Variants in C13orf46 observed in about 807,000 individuals in gnomAD.
C13orf46 encodes uncharacterized protein C13orf46.
chr13:113,965,860 ATGATGG>A (rs1359818064), intron 5 of C13orf46, among the ~76,000 whole-genome samples: 24 of 148,032 alleles, frequency 1.6e-4, no homozygotes, highest in Non-Finnish European at 2.7e-4. Flanking sequence ...GATGGTGGTG[ATGATGG>A]TGATGGTGAT....
the C13orf46 span, among the ~76,000 whole-genome samples, chr13:113,948,009 A>T: frequency 6.6e-6 from 1 of 152,366 alleles, no homozygotes; most frequent in East Asian, 1.9e-4. Flanking sequence ...CATCGGGGCC[A>T]TGGAGCGGGG....
At chr13:113,944,293 C>T in the C13orf46 span, among the ~76,000 whole-genome samples, 4 of 152,152 alleles carry the variant, frequency 2.6e-5, no homozygotes, top group Admixed American at 6.5e-5. Context: ...TGCCGGGACC[C>T]CCTCCAGTGG....
At chr13:113,953,328 G>A (rs1156993764), downstream of C13orf46, among the ~76,000 whole-genome samples, 1 of 152,202 alleles carries the variant, frequency 6.6e-6, no homozygotes, top group Non-Finnish European at 1.5e-5. Flanking sequence ...GCCCTGGAGT[G>A]CCCAGAATCA....
At chr13:113,957,206 TCTGC>T (rs2052543621) in intron 6 of C13orf46, among the ~76,000 whole-genome samples, 2 of 142,222 alleles carry the variant, frequency 1.4e-5, no homozygotes, top group Admixed American at 1.4e-4. Context: ...TCCCCTGCAC[TCTGC>T]CTGCACCCCC....
intron 6 of C13orf46, among the ~76,000 whole-genome samples, chr13:113,957,743 G>C (rs1477349786): frequency 8.5e-6 from 1 of 118,088 alleles, no homozygotes; most frequent in African/African-American, 3.4e-5. Context: ...CACTCTGCCT[G>C]TACCCCCTTT....
At chr13:113,936,663 A>G in the C13orf46 span, among the ~76,000 whole-genome samples, 1 of 152,078 alleles carries the variant, frequency 6.6e-6, no homozygotes, top group African/African-American at 2.4e-5. Flanking sequence ...AGGGTCTCTC[A>G]AGGCTAGTTT....
At chr13:113,950,009 T>C (rs910347091), downstream of C13orf46, among the ~76,000 whole-genome samples, 12 of 150,378 alleles carry the variant, frequency 8.0e-5, no homozygotes, top group Middle Eastern at 3.6e-3. Flanking sequence ...CCTCGCCCCC[T>C]GCCTCGGGCA....
chr13:113,965,735 AGGTGATGAT>A lies in C13orf46; in HGVS notation c.505-750_505-742del, dbSNP rs1354761063. Among the ~76,000 whole-genome samples, 20 of 75,944 alleles carry A rather than the reference AGGTGATGAT, an allele frequency of 2.6e-4. 1 individual carries two copies. The highest frequency in any genetic ancestry group is 2.4e-3 in the South Asian group (5 of 2,108). 49.8% of individuals were successfully genotyped at this position (75,944 alleles called of 152,430 possible). A position where few individuals can be genotyped will look rare whatever the true frequency, so the allele number is the denominator to read the frequency against. ...ATTATAATGGTGGTGATGATGGTGA[AGGTGATGAT>A]GGTGATGATGGTGATGGTGATGATG... On this transcript the variant is annotated intron_variant, in intron 5 of 6. Transcript: ENST00000636427.
chr13:113,929,547 C>T, the C13orf46 span, among the ~76,000 whole-genome samples: 1 of 152,256 alleles, frequency 6.6e-6, no homozygotes, highest in Non-Finnish European at 1.5e-5. Flanking sequence ...GTTTCCCAGG[C>T]ACTTGGGCCA....
intron 6 of C13orf46, among the ~76,000 whole-genome samples, chr13:113,960,290 A>G (rs1366684906): frequency 2.6e-5 from 4 of 152,176 alleles, no homozygotes; most frequent in Non-Finnish European, 5.9e-5. Flanking sequence ...TTAAATATAC[A>G]TTAATACAAA....
At chr13:113,931,850 C>T in the C13orf46 span, among the ~76,000 whole-genome samples, 6 of 152,088 alleles carry the variant, frequency 3.9e-5, no homozygotes, top group Admixed American at 1.3e-4. Flanking sequence ...ATATTTAAGA[C>T]GTACGGTTTG....
At chr13:113,960,375 G>A (rs992536816) in intron 6 of C13orf46, among the ~76,000 whole-genome samples, 3 of 152,188 alleles carry the variant, frequency 2.0e-5, no homozygotes, top group Admixed American at 6.5e-5. Context: ...ATTGCAAGAG[G>A]TTTTGATTTT....
At chr13:113,950,691 G>A (rs2052485169), downstream of C13orf46, among the ~76,000 whole-genome samples, 1 of 152,208 alleles carries the variant, frequency 6.6e-6, no homozygotes, top group Non-Finnish European at 1.5e-5. Context: ...GTGTGCACCA[G>A]GGCTGGCCCC....
At chr13:113,966,455 T>C (rs1055762609) in intron 5 of C13orf46, among the ~76,000 whole-genome samples, 2 of 151,724 alleles carry the variant, frequency 1.3e-5, no homozygotes, top group Non-Finnish European at 2.9e-5. Flanking sequence ...ATGGTGATGA[T>C]GACGGTGGTG....
In C13orf46 at chr13:113,971,288, G is replaced by A. The variant is rs79491585; in HGVS notation, c.191-1066C>T. Among the ~76,000 whole-genome samples, 608 of 152,326 alleles carry A rather than the reference G, an allele frequency of 4.0e-3. 6 individuals are homozygous for A. The highest frequency in any genetic ancestry group is 4.8e-3 in the Admixed American group (73 of 15,292). ...GAGACCAGACCTCCTCCCAGAGCTC[G>A]GCAGAGTCACATGGGCCACTCCAGG... On this transcript the variant is annotated intron_variant, in intron 1 of 6. Transcript: ENST00000636427.
chr13:113,931,209 G>A, the C13orf46 span, among the ~76,000 whole-genome samples: 1 of 152,226 alleles, frequency 6.6e-6, no homozygotes, highest in Non-Finnish European at 1.5e-5. Context: ...GTTTACCACA[G>A]ATGACTCATT....
intron 6 of C13orf46, among the ~76,000 whole-genome samples, chr13:113,962,882 C>A (rs1201090465): frequency 6.6e-6 from 1 of 152,156 alleles, no homozygotes; most frequent in Non-Finnish European, 1.5e-5. Context: ...ACTCAGGAGT[C>A]AAAACAACCC....
chr13:113,950,192 G>A (rs2052483330), downstream of C13orf46, among the ~76,000 whole-genome samples: 1 of 118,098 alleles, frequency 8.5e-6, no homozygotes, highest in African/African-American at 3.3e-5. Context: ...TCTGTAGAGT[G>A]GGGTCCTCAC....
intron 6 of C13orf46, among the ~76,000 whole-genome samples, chr13:113,957,132 G>A (rs2052542381): frequency 6.7e-6 from 1 of 148,224 alleles, no homozygotes; most frequent in Admixed American, 6.7e-5. Flanking sequence ...CTTTTATCAA[G>A]CACACTGGGG....
Sources: allele counts gnomAD v4.1 joint callset (sites outside exome capture counted in the v4.1 genomes callset), GRCh38; gene constraint gnomAD v4.1.1; transcripts MANE v1.5; gene names NCBI Gene and HGNC (gene_info 2026-07-23, HGNC 2026-07-21).